The following ANKS1B variants were observed in gnomAD, a reference collection of about 807,000 sequenced individuals.
ANKS1B encodes the protein ankyrin repeat and sterile alpha motif domain containing 1B.
Under a neutral mutation model 148.3 loss-of-function variants are expected in ANKS1B, and 36 were observed. The ratio of observed to expected loss-of-function variants is 0.24; its 90% CI spans 0.19 to 0.32. The LOEUF is 0.32. Among genes scored for constraint, ANKS1B ranks in the 10% least tolerant of loss-of-function variants. The pLI, the probability that ANKS1B is intolerant of heterozygous loss-of-function variation, is 1.00. For missense variants in ANKS1B, 1,157 were observed against 1,542.6 expected, an observed-to-expected ratio of 0.75 and a Z score of 4.19; for synonymous variants, 542 against 560.8, an observed-to-expected ratio of 0.97 and a Z score of 0.47.
intron 12 of ANKS1B, among the ~76,000 whole-genome samples, chr12:99,397,508 T>C (rs564603123): frequency 1.3e-5 from 2 of 152,196 alleles, no homozygotes; most frequent in South Asian, 2.1e-4. Flanking sequence ...GATAAGGCTA[T>C]GGATAAAAGA....
rs76391446 is a variant in ANKS1B, at chr12:99,774,632, G to A, written c.961+916C>T. ...TGATTCAGTAATCCCACCTTGGGGT[G>A]CTTATTCACAGGAAATGAAACCAGT... On this transcript the variant is annotated intron_variant, in intron 7 of 26. Transcript: ENST00000683438. Among the ~76,000 whole-genome samples the A allele has an allele frequency of 1.5e-3, 226 of 152,180 alleles. 5 individuals are homozygous for A. In the East Asian group the frequency reaches 0.042, roughly 28 times the overall value.
In ANKS1B at chr12:98,893,722, T is replaced by C. The variant is rs553044767; in HGVS notation, c.2779-61586A>G. On this transcript the variant is annotated intron_variant, in intron 17 of 26. Coordinates refer to ENST00000683438, the MANE Select transcript of ANKS1B (RefSeq NM_001352186.2). ...ACATAAGCAGCACCGCGACTGAATT[T>C]CAAGTCTTCTCAAACTCACACCTCA... The C allele has an allele frequency of 2.0e-5, 3 of 152,350 alleles. No individual in the cohort carries two copies. In the South Asian group the frequency reaches 6.2e-4, roughly 32 times the overall value. The allele number at this position is 152,350 out of a possible 1,614,324, so 9.4% of individuals were successfully genotyped here.
intron 9 of ANKS1B, among the ~76,000 whole-genome samples, chr12:99,620,720 TTAAAAAATGAA>T (rs1216789440): frequency 6.6e-6 from 1 of 151,900 alleles, no homozygotes; most frequent in Non-Finnish European, 1.5e-5. Context: ...AAAGAGAATT[TTAAAAAATGAA>T]CAAAGTCTTC....
At chr12:99,799,947 C>G (rs1416915263) in intron 4 of ANKS1B, among the ~76,000 whole-genome samples, 3 of 152,008 alleles carry the variant, frequency 2.0e-5, no homozygotes, top group Non-Finnish European at 4.4e-5. Context: ...AATGGAAAAC[C>G]AATAGAAGTG....
intron 9 of ANKS1B, among the ~76,000 whole-genome samples, chr12:99,546,380 C>A (rs1439842864): frequency 6.6e-6 from 1 of 152,030 alleles, no homozygotes; most frequent in Non-Finnish European, 1.5e-5. Flanking sequence ...AAAATTATGC[C>A]ACATCATATA....
At chr12:99,432,509 G>T (rs1283594620) in intron 11 of ANKS1B, among the ~76,000 whole-genome samples, 1 of 152,130 alleles carries the variant, frequency 6.6e-6, no homozygotes, top group Non-Finnish European at 1.5e-5. Context: ...AAGGTAGAAA[G>T]AAATAAAGGA....
At chr12:98,847,915 G>C (rs201368) in intron 17 of ANKS1B, among the ~76,000 whole-genome samples, 133,988 of 152,224 alleles carry the variant, frequency 0.88, 58,996 homozygotes, top group East Asian at 1. Flanking sequence ...ATTTAAATTT[G>C]TTTGGATAAA....
intron 1 of ANKS1B, among the ~76,000 whole-genome samples, chr12:99,867,123 G>A (rs1315709128): frequency 3.3e-5 from 5 of 152,112 alleles, no homozygotes; most frequent in Non-Finnish European, 7.4e-5. Flanking sequence ...CCTGGCCACT[G>A]TAAAGATTAA....
chr12:99,695,829 A>C (rs2053813956), intron 8 of ANKS1B, among the ~76,000 whole-genome samples: 1 of 152,302 alleles, frequency 6.6e-6, no homozygotes, highest in African/African-American at 2.4e-5. Flanking sequence ...CCACCATGGC[A>C]TATGTTTACC....
intron 12 of ANKS1B, among the ~76,000 whole-genome samples, chr12:99,317,448 T>G (rs964746809): frequency 1.3e-5 from 2 of 152,214 alleles, no homozygotes; most frequent in African/African-American, 4.8e-5. Flanking sequence ...AGTTCACTCA[T>G]GATTTGGCTC....
intron 14 of ANKS1B, among the ~76,000 whole-genome samples, chr12:99,177,688 G>A (rs1002011763): frequency 1.1e-4 from 16 of 152,208 alleles, no homozygotes; most frequent in African/African-American, 3.4e-4. Context: ...CATCAGCTGT[G>A]GTTAGTGTCT....
intron 12 of ANKS1B, among the ~76,000 whole-genome samples, chr12:99,326,435 C>T (rs769564223): frequency 6.6e-6 from 1 of 152,116 alleles, no homozygotes; most frequent in Non-Finnish European, 1.5e-5. Context: ...CAAACAAGGG[C>T]AATTTTGTGA....
At chr12:98,866,942 G>C (rs2099627848) in intron 17 of ANKS1B, among the ~76,000 whole-genome samples, 1 of 152,142 alleles carries the variant, frequency 6.6e-6, no homozygotes, top group South Asian at 2.1e-4. Flanking sequence ...AAATATCCCA[G>C]CACTTGGAGC....
intron 17 of ANKS1B, among the ~76,000 whole-genome samples, chr12:98,935,244 A>G (rs1287686759): frequency 6.6e-6 from 1 of 152,034 alleles, no homozygotes; most frequent in Non-Finnish European, 1.5e-5. Context: ...TGATCATATG[A>G]TTTTTATCTT....
chr12:99,460,865 A>G (rs950923044), intron 10 of ANKS1B, among the ~76,000 whole-genome samples: 2 of 152,112 alleles, frequency 1.3e-5, no homozygotes, highest in African/African-American at 2.4e-5. Flanking sequence ...AAGTAGATCT[A>G]CCATTTGATC....
Position 99,207,701 on chromosome 12 carries a change from G to A in ANKS1B, c.2419+36641C>T, listed in dbSNP as rs1027477720. 1.1e-4 allele frequency among the ~76,000 whole-genome samples: 17 copies of A among 152,014 alleles called. No homozygotes were observed. The South Asian group carries it at 3.5e-3, about 32-fold the overall frequency. ...GAAAGCTAAAACTAGAAATAATAAAGGAAGTAACTCCAAATATGAGAAAAA... is the reference window on the plus strand; with the variant it reads ...GAAAGCTAAAACTAGAAATAATAAAAGAAGTAACTCCAAATATGAGAAAAA... On this transcript the variant is annotated intron_variant, in intron 14 of 26. Coordinates refer to ENST00000683438, the MANE Select transcript of ANKS1B (RefSeq NM_001352186.2).
intron 22 of ANKS1B, among the ~76,000 whole-genome samples, chr12:98,791,971 T>A (rs2098870634): frequency 6.6e-6 from 1 of 152,202 alleles, no homozygotes; most frequent in African/African-American, 2.4e-5. Flanking sequence ...CCCTCTATTG[T>A]TTCCTAAAAC....
At chr12:98,895,209 G>A (rs2099762395) in intron 17 of ANKS1B, 25 of 985,404 alleles carry the variant, frequency 2.5e-5, no homozygotes, top group Non-Finnish European at 3.0e-5. Context: ...GCCTAGCACT[G>A]GGGGTTGCCG....
rs116422291 is a variant in ANKS1B at position 99,462,321 on chromosome 12, T to C, written c.1439-18512A>G. On this transcript the variant is annotated intron_variant, in intron 10 of 26. Transcript: ENST00000683438. Reference sequence around the variant, plus strand: ...TTTCAATGTCAGGTCAACACAAGTGTATAATAGTCCTGTCCTATCGCCAAC... The same window carrying C: ...TTTCAATGTCAGGTCAACACAAGTGCATAATAGTCCTGTCCTATCGCCAAC... Among the ~76,000 whole-genome samples, 1,241 of 152,306 alleles carry C rather than the reference T, an allele frequency of 8.1e-3. 20 individuals carry two copies. Among genetic ancestry groups the C allele is most frequent in the African/African-American group, 0.027 (1,136 of 41,574 alleles).
Sources: allele counts gnomAD v4.1 joint callset (sites outside exome capture counted in the v4.1 genomes callset), GRCh38; gene constraint gnomAD v4.1.1; transcripts MANE v1.5; gene names NCBI Gene and HGNC (gene_info 2026-07-23, HGNC 2026-07-21).